The following KCNQ1 variants were observed in gnomAD, a reference collection of about 807,000 sequenced individuals.
KCNQ1 encodes the protein potassium voltage-gated channel subfamily Q member 1.
A neutral mutation model predicts 72.4 loss-of-function variants in KCNQ1; 49 were observed. That is an observed-to-expected ratio of 0.68 (90% confidence interval 0.54 to 0.86). The LOEUF is 0.86. Among genes scored for constraint, KCNQ1 ranks in the 40% least tolerant of loss-of-function variants. The probability of loss-of-function intolerance (pLI) is 0.00; values close to 1 mark genes in which losing one functional copy is unlikely to be tolerated. For synonymous variants in KCNQ1, 450 were observed against 412.6 expected (o/e 1.09, Z -1.10); for missense variants, 790 against 945.1 (o/e 0.84, Z 2.15).
At position 2,598,734 on chromosome 11, in the gene KCNQ1, G is replaced by A. The variant is rs542279671; in HGVS notation, c.1393+9880G>A. The stretch of plus-strand genomic sequence containing the variant: ...GAGTGGTTTGGAGCACAGCCTATAT[G>A]GCCAACCTTCTTTAGGGTCATAGCC... On this transcript the variant is annotated intron_variant, in intron 10 of 15. Transcript: ENST00000155840. This position sits in a 1 kb window ranked among gnomAD's most constrained non-coding sequence, Gnocchi z 6.2. 1.8e-4 allele frequency among the ~76,000 whole-genome samples: 28 copies of A among 152,254 alleles called. No individual in the cohort carries two copies. Among genetic ancestry groups the A allele is most frequent in the African/African-American group, 5.8e-4 (24 of 41,542 alleles).
At chr11:2,609,054 G>GT (rs1589979420) in intron 10 of KCNQ1, 2 of 397,746 alleles carry the variant, frequency 5.0e-6, no homozygotes, top group Non-Finnish European at 8.9e-6. Flanking sequence ...TTATTATTTT[G>GT]TTTTTTCTAC....
In KCNQ1 at chr11:2,624,756, C is replaced by T; in HGVS notation, c.1393+35902C>T. ...TAATTCCCCAACCCCCCCACCACCG[C>T]CATCTCTTGGAAACCACCTTGTACT... On this transcript the variant is annotated intron_variant, in intron 10 of 15. Transcript: ENST00000155840. The surrounding 1 kb of genome is among the most constrained non-coding windows in gnomAD (Gnocchi z 4.9). 1 of 398,402 alleles carries T rather than the reference C, an allele frequency of 2.5e-6. No homozygotes were observed. Among genetic ancestry groups the T allele is most frequent in the East Asian group, 3.6e-5 (1 of 28,072 alleles). The allele number at this position is 398,402 out of a possible 1,614,324, so 24.7% of individuals were successfully genotyped here.
rs1464443515 is a variant in KCNQ1 at position 2,602,944 on chromosome 11, G to T, written c.1393+14090G>T. On this transcript the variant is annotated intron_variant, in intron 10 of 15. Coordinates refer to ENST00000155840, the MANE Select transcript of KCNQ1 (RefSeq NM_000218.3). The surrounding 1 kb of genome is among the most constrained non-coding windows in gnomAD (Gnocchi z 4.8). ...ATGAGATTCAATGTTTCCTTTTTAT[G>T]GATTACACTTCTGATGTCAGGTCTA... Among the ~76,000 whole-genome samples, 1 of 152,120 alleles carries T rather than the reference G, an allele frequency of 6.6e-6. No individual in the cohort carries two copies.
Position 2,682,669 on chromosome 11 carries a change from A to G in KCNQ1, c.1514+20588A>G. The G allele has an allele frequency of 2.5e-6, 1 of 398,548 alleles. No individual in the cohort carries two copies. Among genetic ancestry groups the G allele is most frequent in the Non-Finnish European group, 4.4e-6 (1 of 226,080 alleles). 24.7% of individuals were successfully genotyped at this position (398,548 alleles called of 1,614,324 possible). A position where few individuals can be genotyped will look rare whatever the true frequency, so the allele number is the denominator to read the frequency against. ...TCCCCAGGGCTCATGTCCACATGCT[A>G]TTGTCCATAGAAGCTGGGGTCCAAA... On this transcript the variant is annotated intron_variant, in intron 11 of 15. Coordinates refer to ENST00000155840, the MANE Select transcript of KCNQ1 (RefSeq NM_000218.3). The surrounding 1 kb of genome is among the most constrained non-coding windows in gnomAD (Gnocchi z 5.8).
At chr11:2,646,806 A>G (rs879495463) in intron 10 of KCNQ1, 2 of 398,616 alleles carry the variant, frequency 5.0e-6, no homozygotes, top group Non-Finnish European at 8.8e-6. Context: ...ATGAGCCATC[A>G]TGTCCACACC....
chr11:2,554,552 T>G (rs1265979658), intron 2 of KCNQ1, among the ~76,000 whole-genome samples: 1 of 152,120 alleles, frequency 6.6e-6, no homozygotes, highest in Non-Finnish European at 1.5e-5. Context: ...CTGGGCTGGG[T>G]GGTCTCTGCT....
Position 2,478,707 on chromosome 11 carries a change from G to A in KCNQ1, c.386+33223G>A, listed in dbSNP as rs553064991. 7.9e-5 allele frequency among the ~76,000 whole-genome samples: 12 copies of A among 152,116 alleles called. No individual in the cohort carries two copies. Among genetic ancestry groups the A allele is most frequent in the South Asian group, 2.1e-4 (1 of 4,816 alleles). ...CAGCCAAACCATATCATTCCACCCCGGCCCCTCCCTAATCTCATGTCCTCA... is the reference window on the plus strand; with the variant it reads ...CAGCCAAACCATATCATTCCACCCCAGCCCCTCCCTAATCTCATGTCCTCA... On this transcript the variant is annotated intron_variant, in intron 1 of 15. Coordinates refer to ENST00000155840, the MANE Select transcript of KCNQ1 (RefSeq NM_000218.3). The surrounding 1 kb of genome is among the most constrained non-coding windows in gnomAD (Gnocchi z 4.0).
rs564125112 is a variant in KCNQ1 at position 2,508,397 on chromosome 11, GT to G, written c.387-19530del. 8.5e-5 allele frequency among the ~76,000 whole-genome samples: 13 copies of G among 152,290 alleles called. No individual in the cohort carries two copies. Among genetic ancestry groups the G allele is most frequent in the Middle Eastern group, 3.4e-3 (1 of 294 alleles). ...AGCTTTGGGGAGCACTGTCCAGACA[GT>G]GCCCTGGACACTGCACCTCAGGTCA... On this transcript the variant is annotated intron_variant, in intron 1 of 15. Coordinates refer to ENST00000155840, the MANE Select transcript of KCNQ1 (RefSeq NM_000218.3). This position sits in a 1 kb window ranked among gnomAD's most constrained non-coding sequence, Gnocchi z 6.2.
chr11:2,729,296 T>G (rs781307231), intron 11 of KCNQ1, among the ~76,000 whole-genome samples: 1 of 152,256 alleles, frequency 6.6e-6, no homozygotes, highest in Non-Finnish European at 1.5e-5. Context: ...TCTCTGTGCC[T>G]CGGTGCCCAC....
intron 11 of KCNQ1, among the ~76,000 whole-genome samples, chr11:2,753,848 A>G (rs556641856): frequency 2.0e-5 from 3 of 152,258 alleles, no homozygotes; most frequent in East Asian, 3.9e-4. Flanking sequence ...GGCTCACTCC[A>G]TTACAACACA....
At chr11:2,643,233 G>A (rs1017439010) in intron 10 of KCNQ1, 2 of 398,092 alleles carry the variant, frequency 5.0e-6, no homozygotes, top group African/African-American at 4.1e-5. Flanking sequence ...TTGTCTAGAT[G>A]ATCTGTCTAA....
In KCNQ1 at chr11:2,549,803, C is replaced by T. The variant is rs768665772; in HGVS notation, c.478-20825C>T. Among the ~76,000 whole-genome samples, 2 of 152,126 alleles carry T rather than the reference C, an allele frequency of 1.3e-5. No homozygotes were observed. The highest frequency in any genetic ancestry group is 2.4e-5 in the African/African-American group (1 of 41,438). On this transcript the variant is annotated intron_variant, in intron 2 of 15. Transcript: ENST00000155840. This position sits in a 1 kb window ranked among gnomAD's most constrained non-coding sequence, Gnocchi z 6.2. The stretch of plus-strand genomic sequence containing the variant: ...CATGAGTACCCCAGGCCCCTATGCG[C>T]CTCCTTCCCCATGACTGGCCCTGGG...
Position 2,446,190 on chromosome 11 carries a change from G to T in KCNQ1, c.386+706G>T, listed in dbSNP as rs1589884941. Among the ~76,000 whole-genome samples the T allele has an allele frequency of 6.6e-6, 1 of 152,338 alleles. No homozygotes were observed. Among genetic ancestry groups the T allele is most frequent in the South Asian group, 2.1e-4 (1 of 4,826 alleles). On this transcript the variant is annotated intron_variant, in intron 1 of 15. Transcript: ENST00000155840. This position sits in a 1 kb window ranked among gnomAD's most constrained non-coding sequence, Gnocchi z 8.8. ...TGTTACCAGGTGGTTCCAATTCCCG[G>T]TACAGCGTGCCTGAGCAGGGCTGGG...
At chr11:2,530,850 T>G (rs1413689466) in intron 2 of KCNQ1, among the ~76,000 whole-genome samples, 1 of 152,188 alleles carries the variant, frequency 6.6e-6, no homozygotes, top group Non-Finnish European at 1.5e-5. Flanking sequence ...GCTGCGTGTG[T>G]GTACCTATGT....
chr11:2,675,493 A>G, intron 11 of KCNQ1: 1 of 398,700 alleles, frequency 2.5e-6, no homozygotes, highest in Middle Eastern at 6.3e-4. Context: ...ATTTCATGAG[A>G]CATAGCAGTC....
chr11:2,626,816 T>C lies in KCNQ1; in HGVS notation c.1394-35145T>C, dbSNP rs1849269604. Reference sequence around the variant, plus strand: ...GTGCTGAGATTACAGGTGTAGGCCATTGTACCTGGCCTGTAGTAAGTTTTC... The same window carrying C: ...GTGCTGAGATTACAGGTGTAGGCCACTGTACCTGGCCTGTAGTAAGTTTTC... On this transcript the variant is annotated intron_variant, in intron 10 of 15. Transcript: ENST00000155840. The surrounding 1 kb of genome is among the most constrained non-coding windows in gnomAD (Gnocchi z 4.0). 2.5e-6 allele frequency: 1 copy of C among 398,490 alleles called. No homozygotes were observed. The highest frequency in any genetic ancestry group is 4.4e-5 in the Admixed American group (1 of 22,714). The allele number at this position is 398,490 out of a possible 1,614,324, so 24.7% of individuals were successfully genotyped here.
chr11:2,470,542 G>C (rs1172890911), intron 1 of KCNQ1, among the ~76,000 whole-genome samples: 1 of 152,056 alleles, frequency 6.6e-6, no homozygotes, highest in African/African-American at 2.4e-5. Context: ...CTTATGAAAA[G>C]GCTGGTTTCT....
At chr11:2,551,502 C>G (rs959556305) in intron 2 of KCNQ1, among the ~76,000 whole-genome samples, 1 of 152,250 alleles carries the variant, frequency 6.6e-6, no homozygotes, top group African/African-American at 2.4e-5. Context: ...CATTCACAGG[C>G]TGATGGACAT....
At position 2,748,754 on chromosome 11, in the gene KCNQ1, G is replaced by A. The variant is rs1036890756; in HGVS notation, c.1515-20090G>A. ...TCAAGACCATCTGTCACGTGACAGG[G>A]GCAGGCTAGGCCTTTCTTGAACTCA... On this transcript the variant is annotated intron_variant, in intron 11 of 15. Transcript: ENST00000155840. The surrounding 1 kb of genome is among the most constrained non-coding windows in gnomAD (Gnocchi z 6.2). 6.6e-6 allele frequency among the ~76,000 whole-genome samples: 1 copy of A among 152,222 alleles called. No homozygotes were observed. Among genetic ancestry groups the A allele is most frequent in the Non-Finnish European group, 1.5e-5 (1 of 68,034 alleles).
Sources: allele counts gnomAD v4.1 joint callset (sites outside exome capture counted in the v4.1 genomes callset), GRCh38; gene constraint gnomAD v4.1.1; non-coding constraint Gnocchi (gnomAD v3.1); transcripts MANE v1.5; gene names NCBI Gene and HGNC (gene_info 2026-07-23, HGNC 2026-07-21).